TTC39C: variants seen among roughly 807,000 people sequenced by gnomAD.
TTC39C encodes the protein tetratricopeptide repeat protein 39C.
In TTC39C, 33 loss-of-function variants were observed where a neutral mutation model predicts 76.3. The observed-to-expected ratio is 0.43, with a 90% CI of 0.33 to 0.58. The LOEUF (loss-of-function observed/expected upper bound fraction) is 0.58, where lower values mean the gene tolerates loss of function less well. Among genes scored for constraint, TTC39C ranks in the 20% least tolerant of loss-of-function variants. The pLI, the probability that TTC39C is intolerant of heterozygous loss-of-function variation, is 0.04. For missense variants in TTC39C, 595 were observed against 701.4 expected, an observed-to-expected ratio of 0.85 and a Z score of 1.71; for synonymous variants, 254 against 260.6, an observed-to-expected ratio of 0.97 and a Z score of 0.24.
intron 1 of TTC39C, among the ~76,000 whole-genome samples, chr18:23,995,745 C>T (rs1045406223): frequency 6.6e-6 from 1 of 152,044 alleles, no homozygotes; most frequent in Non-Finnish European, 1.5e-5. Context: ...TGGGATACAC[C>T]TGTAGTCCCA....
intron 1 of TTC39C, chr18:23,994,393 G>A (rs2083243575): frequency 1.3e-5 from 2 of 151,576 alleles, no homozygotes; most frequent in African/African-American, 4.9e-5. Flanking sequence ...GAGCCCATCA[G>A]TGTGGTTGGC....
intron 4 of TTC39C, among the ~76,000 whole-genome samples, chr18:24,078,057 CTTG>C (rs968819243): frequency 6.6e-6 from 1 of 152,130 alleles, no homozygotes. Context: ...AGTAAATATT[CTTG>C]TTAAGTAGAA....
intron 1 of TTC39C, among the ~76,000 whole-genome samples, chr18:24,018,212 A>T (rs1330925259): frequency 6.6e-6 from 1 of 152,138 alleles, no homozygotes; most frequent in Admixed American, 6.6e-5. Context: ...ACCATTATGC[A>T]CTTTGAGGTG....
At chr18:24,113,569 A>T (rs1424950709) in intron 6 of TTC39C, 1 of 702,186 alleles carries the variant, frequency 1.4e-6, no homozygotes, top group East Asian at 2.7e-5. Context: ...TAGGGCAGTG[A>T]GAGGAGCCCT....
At chr18:24,020,409 T>A in intron 1 of TTC39C, 1 of 635,404 alleles carries the variant, frequency 1.6e-6, no homozygotes, top group South Asian at 7.1e-5. Context: ...TGTACAAGTG[T>A]ACAAGAAACA....
intron 1 of TTC39C, among the ~76,000 whole-genome samples, chr18:24,058,156 A>G (rs2084041050): frequency 6.6e-6 from 1 of 152,220 alleles, no homozygotes; most frequent in Non-Finnish European, 1.5e-5. Context: ...AGCAGGGTCT[A>G]CTTGAGGGTG....
rs1175887024 is a variant in TTC39C, at chr18:24,132,558, A to T, written c.1736A>T (p.Glu579Val). 1 of 1,613,766 alleles carries T rather than the reference A, an allele frequency of 6.2e-7. No homozygotes were observed. The highest frequency in any genetic ancestry group is 8.5e-7 in the Non-Finnish European group (1 of 1,179,896). Reference protein sequence around the residue: ...RIHAALASLRELVPQ With the variant: ...RIHAALASLRVLVPQ Reference sequence around the variant, plus strand: ...CATGCTGCTCTGGCCTCTCTGAGGGAATTGGTTCCTCAGTGACAGACCCGG... The same window carrying T: ...CATGCTGCTCTGGCCTCTCTGAGGGTATTGGTTCCTCAGTGACAGACCCGG... Residue 579 changes from glutamate to valine, a missense_variant, in exon 14 of 14, where the codon GAA becomes GTA. Coordinates refer to ENST00000317571, the MANE Select transcript of TTC39C (RefSeq NM_001135993.2).
chr18:24,044,052 T>TTG (rs56233680), intron 1 of TTC39C, among the ~76,000 whole-genome samples: 1,755 of 147,940 alleles, frequency 0.012, 30 homozygotes, highest in African/African-American at 0.033. Context: ...TTGTGTATGT[T>TTG]TGTGTGTGTG....
intron 1 of TTC39C, among the ~76,000 whole-genome samples, chr18:24,023,989 TATATATATA>T (rs2083559914): frequency 1.0e-3 from 5 of 5,008 alleles, no homozygotes; most frequent in Non-Finnish European, 1.6e-3. Flanking sequence ...TACATATATA[TATATATATA>T]TATATATATA....
chr18:24,117,431 G>A (rs1291863404), intron 7 of TTC39C, among the ~76,000 whole-genome samples: 2 of 152,270 alleles, frequency 1.3e-5, no homozygotes, highest in South Asian at 4.1e-4. Flanking sequence ...GCCAAGCACG[G>A]TGGCTCACAC....
In TTC39C at chr18:24,116,820, T is replaced by TG. The variant is rs71163662; in HGVS notation, c.1079-1305_1079-1304insG. On this transcript the variant is annotated intron_variant, in intron 7 of 13. Transcript: ENST00000317571. The stretch of plus-strand genomic sequence containing the variant: ...AGGTAGCTACCTCTTGATACCTTAG[T>TG]TTTTTTTTTTTTTTTTTTTTTTTAA... Among the ~76,000 whole-genome samples, 4 of 19,244 alleles carry TG rather than the reference T, an allele frequency of 2.1e-4. No individual in the cohort carries two copies. The South Asian group carries it at 3.3e-3, about 16-fold the overall frequency. 12.6% of individuals were successfully genotyped at this position (19,244 alleles called of 152,430 possible). A position where few individuals can be genotyped will look rare whatever the true frequency, so the allele number is the denominator to read the frequency against.
At chr18:23,998,318 G>GTC (rs2083285013) in intron 1 of TTC39C, among the ~76,000 whole-genome samples, 1 of 152,102 alleles carries the variant, frequency 6.6e-6, no homozygotes, top group African/African-American at 2.4e-5. Context: ...AGACCTACTG[G>GTC]AACCTAATTT....
At chr18:24,130,523 A>C in intron 12 of TTC39C, 106 bp downstream of exon 12, 1 of 298,640 alleles carries the variant, frequency 3.3e-6, no homozygotes, top group East Asian at 6.7e-5. Flanking sequence ...AACTGAACAC[A>C]GTGTTCTTCA....
chr18:24,074,092 G>A (rs1192141591), intron 4 of TTC39C, among the ~76,000 whole-genome samples: 1 of 152,196 alleles, frequency 6.6e-6, no homozygotes, highest in African/African-American at 2.4e-5. Flanking sequence ...TCATGGTTTG[G>A]CAGTAGGAAC....
At chr18:24,005,755 G>A (rs192442626) in intron 1 of TTC39C, among the ~76,000 whole-genome samples, 134 of 151,714 alleles carry the variant, frequency 8.8e-4, no homozygotes, top group African/African-American at 3.0e-3. Context: ...TAAGGTTGGA[G>A]GACGGCTTGA....
intron 1 of TTC39C, among the ~76,000 whole-genome samples, chr18:24,023,964 A>ATATATATACG (rs2083552922): frequency 2.0e-4 from 2 of 10,206 alleles, no homozygotes; most frequent in African/African-American, 3.4e-4. Context: ...ATATATATAT[A>ATATATATACG]TATATATATA....
upstream of TTC39C, among the ~76,000 whole-genome samples, chr18:24,009,947 T>C (rs2083382724): frequency 6.6e-6 from 1 of 152,222 alleles, no homozygotes; most frequent in African/African-American, 2.4e-5. Flanking sequence ...CACATCCAAC[T>C]GCAAAAACAG....
rs1210293203 is a variant in TTC39C, at chr18:24,086,360, C to T, written c.984+3279C>T. On this transcript the variant is annotated intron_variant, in intron 6 of 13. Transcript: ENST00000317571. ...TCTGTGCCCGTCAGTGTTCATTCTT[C>T]TGTACTCGTTATTTTCAAATCCTGT... Among the ~76,000 whole-genome samples, 7 of 152,186 alleles carry T rather than the reference C, an allele frequency of 4.6e-5. No individual in the cohort carries two copies. In the East Asian group the frequency reaches 1.3e-3, roughly 29 times the overall value.
At chr18:24,004,767 C>T (rs182703727) in intron 1 of TTC39C, among the ~76,000 whole-genome samples, 6 of 152,232 alleles carry the variant, frequency 3.9e-5, no homozygotes, top group Admixed American at 2.0e-4. Flanking sequence ...ACTCATTTTT[C>T]GTGCAATATT....
Sources: allele counts gnomAD v4.1 joint callset (sites outside exome capture counted in the v4.1 genomes callset), GRCh38; gene constraint gnomAD v4.1.1; transcripts MANE v1.5; gene names NCBI Gene and HGNC (gene_info 2026-07-23, HGNC 2026-07-21).